The following MYH15 variants were observed in gnomAD, a reference collection of about 807,000 sequenced individuals.
MYH15 encodes myosin-15.
In MYH15, 227 loss-of-function variants were observed where a neutral mutation model predicts 240.5. That is an observed-to-expected ratio of 0.94 (90% CI 0.85 to 1.05). MYH15 has a LOEUF of 1.05. Ranked by LOEUF, MYH15 falls within the 50% of genes least tolerant of loss-of-function variation. The pLI is 0.00. For missense variants in MYH15, 2,217 were observed against 2,247.5 expected (o/e 0.99, Z 0.27); for synonymous variants, 785 against 796.7 (o/e 0.99, Z 0.25).
At chr3:108,385,626 T>G (rs2082378042) in intron 38 of MYH15, among the ~76,000 whole-genome samples, 1 of 152,224 alleles carries the variant, frequency 6.6e-6, no homozygotes, top group Non-Finnish European at 1.5e-5. Context: ...TATTGTACTT[T>G]TCAAAGGAAG....
intron 11 of MYH15, among the ~76,000 whole-genome samples, chr3:108,477,870 A>G (rs1285939103): frequency 6.6e-6 from 1 of 152,232 alleles, no homozygotes; most frequent in Non-Finnish European, 1.5e-5. Context: ...CACTTCAGGT[A>G]TGAAAAAATG....
At chr3:108,465,735 T>G (rs1022672942) in intron 14 of MYH15, among the ~76,000 whole-genome samples, 5 of 152,156 alleles carry the variant, frequency 3.3e-5, no homozygotes, top group Admixed American at 2.6e-4. Flanking sequence ...GAGACCAGCC[T>G]GGCCAACACG....
chr3:108,428,552 A>G lies in MYH15; in HGVS notation c.3642T>C (p.Ser1214=), dbSNP rs1273588930. The G allele has an allele frequency of 1.2e-6, 2 of 1,613,360 alleles. No homozygotes were observed. The highest frequency in any genetic ancestry group is 1.7e-5 in the Admixed American group (1 of 59,948). ...QVKQKLEKDK[S]DLQLEVDDLL... ...GGTCATCTACTTCTAGCTGCAAGTC[A>G]CTCTTGTCTTTTTCCAGTTTCTGCT... The change falls in exon 27 of 41, where the codon AGT becomes AGC. Residue 1214 remains serine (S), a synonymous_variant. Transcript: ENST00000693548.
intron 25 of MYH15, among the ~76,000 whole-genome samples, chr3:108,434,574 A>AATATAT (rs3053520): frequency 1.3e-5 from 2 of 151,716 alleles, no homozygotes; most frequent in African/African-American, 4.8e-5. Flanking sequence ...TTAATTCAAT[A>AATATAT]TTTTTCTACA....
intron 2 of MYH15, among the ~76,000 whole-genome samples, chr3:108,504,399 G>A (rs972669885): frequency 2.0e-5 from 3 of 151,976 alleles, no homozygotes; most frequent in Non-Finnish European, 2.9e-5. Flanking sequence ...ATTTTTTTAC[G>A]TAACAGATAT....
chr3:108,462,161 T>C (rs2083076639), intron 16 of MYH15, among the ~76,000 whole-genome samples: 1 of 152,174 alleles, frequency 6.6e-6, no homozygotes, highest in Admixed American at 6.6e-5. Flanking sequence ...TGACTTTTGC[T>C]GTAAATCATG....
chr3:108,546,200 A>G, the MYH15 span, among the ~76,000 whole-genome samples: 1 of 152,202 alleles, frequency 6.6e-6, no homozygotes, highest in Non-Finnish European at 1.5e-5. Flanking sequence ...AGTATGGAGT[A>G]GTTGATAGTA....
At chr3:108,415,410 T>C (rs1190392359) in intron 29 of MYH15, among the ~76,000 whole-genome samples, 1 of 152,170 alleles carries the variant, frequency 6.6e-6, no homozygotes, top group Non-Finnish European at 1.5e-5. Context: ...CAGATGAACT[T>C]GGGTTCAAAC....
In MYH15 at chr3:108,410,681, A is replaced by C. The variant is rs2082584112; in HGVS notation, c.4397T>G (p.Val1466Gly). 6.2e-7 allele frequency: 1 copy of C among 1,614,116 alleles called. No individual in the cohort carries two copies. Among genetic ancestry groups the C allele is most frequent in the Admixed American group, 1.7e-5 (1 of 60,020 alleles). ...QALLDASQKE[V>G]QALSTELLKL... ...GAGGAGCTCTGTACTGAGAGCCTGA[A>C]CTTCCTTCTGAGAGGCATCCAGCAA... Residue 1466 changes from valine to glycine, a missense_variant, in exon 31 of 41, where the codon GTT becomes GGT. Coordinates refer to ENST00000693548, the MANE Select transcript of MYH15 (RefSeq NM_014981.3).
intron 21 of MYH15, among the ~76,000 whole-genome samples, chr3:108,453,274 T>A (rs2082990176): frequency 6.6e-6 from 1 of 152,204 alleles, no homozygotes; most frequent in Non-Finnish European, 1.5e-5. Context: ...CTCTCTAATA[T>A]CTTTGACATC....
intron 27 of MYH15, among the ~76,000 whole-genome samples, chr3:108,422,143 G>A (rs1391233897): frequency 6.6e-6 from 1 of 151,980 alleles, no homozygotes; most frequent in Non-Finnish European, 1.5e-5. Context: ...AATTACATTG[G>A]TGGTGGTCTT....
At chr3:108,403,929 A>G (rs67605820) in intron 33 of MYH15, among the ~76,000 whole-genome samples, 38,060 of 151,632 alleles carry the variant, frequency 0.25, 5,212 homozygotes, top group Non-Finnish European at 0.31. Flanking sequence ...ATTTCTCCTC[A>G]GCTGGGTTTA....
chr3:108,472,750 T>C (rs537464432), intron 12 of MYH15, among the ~76,000 whole-genome samples: 34 of 152,312 alleles, frequency 2.2e-4, no homozygotes, highest in Non-Finnish European at 4.3e-4. Context: ...GGCAGTAGGA[T>C]AAATGGATGG....
intron 28 of MYH15, among the ~76,000 whole-genome samples, chr3:108,417,485 G>A (rs1328289002): frequency 6.6e-6 from 1 of 151,986 alleles, no homozygotes; most frequent in Non-Finnish European, 1.5e-5. Flanking sequence ...GTAAGATGAA[G>A]ATAACAATAA....
chr3:108,508,357 A>G (rs972754939), intron 1 of MYH15, among the ~76,000 whole-genome samples: 3 of 152,200 alleles, frequency 2.0e-5, no homozygotes, highest in Non-Finnish European at 2.9e-5. Flanking sequence ...GTCAATTTTA[A>G]TTCCTGGTGT....
intron 38 of MYH15, among the ~76,000 whole-genome samples, chr3:108,385,615 C>A (rs1234015902): frequency 6.6e-6 from 1 of 152,120 alleles, no homozygotes; most frequent in African/African-American, 2.4e-5. Context: ...CATATTGGAG[C>A]TATTGTACTT....
chr3:108,547,309 A>G, the MYH15 span, among the ~76,000 whole-genome samples: 2 of 152,120 alleles, frequency 1.3e-5, no homozygotes, highest in Non-Finnish European at 2.9e-5. Context: ...TTAATTTTTA[A>G]AAGTTAATTA....
At chr3:108,529,201 T>C (rs111422319) in intron 1 of MYH15, 27 of 1,514,450 alleles carry the variant, frequency 1.8e-5, no homozygotes, top group Non-Finnish European at 2.5e-5. Context: ...TCTAGGCTGC[T>C]ACTGTCAGGC....
chr3:108,536,430 G>T, the MYH15 span, among the ~76,000 whole-genome samples: 1 of 152,202 alleles, frequency 6.6e-6, no homozygotes, highest in Non-Finnish European at 1.5e-5. Context: ...CCAAAACCAT[G>T]TCTTGGGACA....
Sources: gnomAD v4.1 joint callset for allele counts (sites outside exome capture counted in the v4.1 genomes callset) on GRCh38, gnomAD v4.1.1 for gene constraint, MANE v1.5 for transcripts, NCBI Gene and HGNC (gene_info 2026-07-23, HGNC 2026-07-21) for gene names.